The following SHF variants were observed in gnomAD, a reference collection of about 807,000 sequenced individuals.
SHF encodes Src homology 2 domain containing F, also known as SH2 domain-containing adapter protein F.
A neutral mutation model predicts 42.4 loss-of-function variants in SHF; 30 were observed. That is an observed-to-expected ratio of 0.71 (90% confidence interval 0.53 to 0.96). The LOEUF (loss-of-function observed/expected upper bound fraction) is 0.96. Among genes scored for constraint, SHF ranks in the 40% least tolerant of loss-of-function variants. The pLI is 0.00. For synonymous variants in SHF, 264 were observed against 269.9 expected (o/e 0.98, Z 0.21); for missense variants, 598 against 634.0 (o/e 0.94, Z 0.61).
At chr15:45,184,073 G>GCAAA (rs1021247422) in intron 1 of SHF, among the ~76,000 whole-genome samples, 1 of 152,324 alleles carries the variant, frequency 6.6e-6, no homozygotes, top group Non-Finnish European at 1.5e-5. Flanking sequence ...AAACATTAAA[G>GCAAA]CAAACAAACA....
At chr15:45,178,414 G>A (rs550604155) in intron 1 of SHF, 108 bp from the exon 2 acceptor site, 8 of 1,309,050 alleles carry the variant, frequency 6.1e-6, no homozygotes, top group Middle Eastern at 2.5e-4. Context: ...GGCTGCCTTC[G>A]ACCCAGACCC....
At chr15:45,199,216 GC>G in intron 1 of SHF, 1 of 989,866 alleles carries the variant, frequency 1.0e-6, no homozygotes. Context: ...TCCCCTGACA[GC>G]CCTGACTCCT....
rs763252624 is a variant in SHF at position 45,168,046 on chromosome 15, G to A, written c.1368C>T (p.Ser456=). ...VLGQNSPPFS[S]VPEIVHHYAS... ...CATAGTGGTGCACAATTTCAGGGAC[G>A]CTGCTGAAGGGCGGGCTGTTCTGGC... Residue 456 remains serine, a synonymous_variant, in exon 7 of 7, where the codon AGC becomes AGT. Transcript: ENST00000690270. 6.2e-7 allele frequency: 1 copy of A among 1,613,674 alleles called. No homozygotes were observed. Among genetic ancestry groups the A allele is most frequent in the South Asian group, 1.1e-5 (1 of 90,964 alleles).
chr15:45,187,408 C>T (rs1017624360), intron 1 of SHF, 46 bp downstream of exon 1: 15 of 1,231,490 alleles, frequency 1.2e-5, no homozygotes, highest in Non-Finnish European at 1.5e-5. Context: ...CTCCAGACCC[C>T]TGACCGCCTT....
chr15:45,175,826 T>TAC (rs1897775997), intron 2 of SHF, among the ~76,000 whole-genome samples: 1 of 149,402 alleles, frequency 6.7e-6, no homozygotes, highest in Non-Finnish European at 1.5e-5. Context: ...TTTCTTTTTT[T>TAC]TTTTTTTTTT....
At chr15:45,172,346 C>T (rs1897550985) in intron 4 of SHF, 28 bp from the exon 5 acceptor site, 1 of 1,559,406 alleles carries the variant, frequency 6.4e-7, no homozygotes, top group South Asian at 1.2e-5. Flanking sequence ...ATCATGGACT[C>T]TAAGGACCCT....
rs1359097057 is a variant in SHF at position 45,178,252 on chromosome 15, C to T, written c.553G>A (p.Gly185Ser). The T allele has an allele frequency of 6.2e-7, 1 of 1,613,974 alleles. No individual in the cohort carries two copies. The highest frequency in any genetic ancestry group is 1.7e-5 in the Admixed American group (1 of 60,028). Reference sequence around the variant, plus strand: ...GGGGCTCCTGAAGCTCCTGCTGAGCCTTCGCCAGTCTCCTGAACATCAAAC... The same window carrying T: ...GGGGCTCCTGAAGCTCCTGCTGAGCTTTCGCCAGTCTCCTGAACATCAAAC... The part of the protein sequence containing the change: ...DPFDVQETGE[G>S]SAGASGAPEK... Residue 185 changes from glycine to serine, a missense_variant, in exon 2 of 7, where the codon GGC (glycine) becomes AGC (serine). By Grantham distance (56) the Gly-to-Ser change is moderately conservative. This residue lies in a region of SHF where 439 missense variants were observed against 524.6 expected (regional missense o/e 0.84). Transcript: ENST00000690270.
chr15:45,187,600 C>T lies in SHF; in HGVS notation c.352G>A (p.Ala118Thr), dbSNP rs2141423338. The T allele has an allele frequency of 1.5e-5, 18 of 1,229,900 alleles. No homozygotes were observed. The highest frequency in any genetic ancestry group is 1.8e-5 in the Non-Finnish European group (18 of 986,852). The allele number at this position is 1,229,900 out of a possible 1,614,324, so 76.2% of individuals were successfully genotyped here. The change falls in exon 1 of 7, where the codon GCC (alanine) becomes ACC (threonine). Residue 118 changes from alanine to threonine, a missense_variant. This residue lies in a region of SHF where 439 missense variants were observed against 524.6 expected (regional missense o/e 0.84). Transcript: ENST00000690270. ...CCGGGGGCGACAGGGGTGGCGAGGG[C>T]GGCGGAGCCGGACGACCCCCCGGAG... ...PYSGGSSGSA[A>T]LATPVAPGPT...
At position 45,199,025 on chromosome 15, in the gene SHF, G is replaced by C. The variant is rs767850521; in HGVS notation, c.50C>G (p.Thr17Ser). 18 of 1,607,716 alleles carry C rather than the reference G, an allele frequency of 1.1e-5. No individual in the cohort carries two copies. In the South Asian group the frequency reaches 1.9e-4, roughly 17 times the overall value. The change falls in exon 2 of 8, where the codon ACC becomes AGC. Residue 17 changes from threonine (T) to serine (S), a missense_variant. Thr to Ser is a moderately conservative substitution (Grantham distance 58, BLOSUM62 1). Coordinates refer to the SHF transcript ENST00000290894. Reference sequence around the variant, plus strand: ...AGACCCTTGCCGCGAACCCTCCAGGGTTCCGGTCCTACAGGGGGCGCTCCT... The same window carrying C: ...AGACCCTTGCCGCGAACCCTCCAGGCTTCCGGTCCTACAGGGGGCGCTCCT...
At chr15:45,171,000 G>A (rs1897457872) in intron 6 of SHF, 2 of 155,726 alleles carry the variant, frequency 1.3e-5, no homozygotes, top group African/African-American at 4.8e-5. Context: ...CCCCAAATAT[G>A]TCTTGTTTAG....
chr15:45,190,315 A>G (rs149874142), upstream of SHF, among the ~76,000 whole-genome samples: 736 of 152,344 alleles, frequency 4.8e-3, 6 homozygotes, highest in African/African-American at 0.017. Flanking sequence ...TAAATAGAGA[A>G]GAATGGTCCA....
Position 45,172,012 on chromosome 15 carries a change from A to C in SHF, c.1161-10T>G. On this transcript the variant is annotated splice_polypyrimidine_tract_variant and intron_variant, in intron 5 of 6. Coordinates refer to ENST00000690270, the MANE Select transcript of SHF (RefSeq NM_001394037.1). The stretch of plus-strand genomic sequence containing the variant: ...GGCCCCGTGATACCAGCTAAGGATG[A>C]GAGAGAGGAAGGGGGGCATCTCTGC... 1.9e-6 allele frequency: 3 copies of C among 1,613,830 alleles called. No homozygotes were observed. The highest frequency in any genetic ancestry group is 2.5e-6 in the Non-Finnish European group (3 of 1,179,832).
intron 6 of SHF, 74 bp from the exon 7 acceptor site, chr15:45,168,207 C>G: frequency 7.2e-7 from 1 of 1,394,376 alleles, no homozygotes; most frequent in Non-Finnish European, 9.6e-7. Context: ...CAGTAACCCT[C>G]CCCAACCCTA....
chr15:45,186,900 G>T (rs1193669017), intron 1 of SHF, among the ~76,000 whole-genome samples: 1 of 152,264 alleles, frequency 6.6e-6, no homozygotes, highest in Admixed American at 6.5e-5. Context: ...TGCTGTGTCC[G>T]CAAGGAGAAA....
rs769106921 is a variant in SHF at position 45,175,437 on chromosome 15, G to A, written c.641-12C>T. The stretch of plus-strand genomic sequence containing the variant: ...GGAGCCCCGGATCTCTGCCGGAGCA[G>A]GGCAGGAAGGGAAAGGTGAGGGTTC... On this transcript the variant is annotated splice_polypyrimidine_tract_variant and intron_variant, in intron 2 of 6. Transcript: ENST00000690270. The A allele has an allele frequency of 1.5e-5, 24 of 1,564,386 alleles. No homozygotes were observed. Among genetic ancestry groups the A allele is most frequent in the Non-Finnish European group, 2.1e-5 (24 of 1,154,198 alleles).
intron 1 of SHF, among the ~76,000 whole-genome samples, chr15:45,183,113 C>T (rs992596946): frequency 2.0e-4 from 30 of 152,202 alleles, no homozygotes; most frequent in African/African-American, 6.8e-4. Context: ...TCTGCTTCCT[C>T]TTGTTCATTA....
At chr15:45,180,777 C>T (rs1779292903) in intron 1 of SHF, among the ~76,000 whole-genome samples, 1 of 152,168 alleles carries the variant, frequency 6.6e-6, no homozygotes, top group Non-Finnish European at 1.5e-5. Flanking sequence ...TTGTTTTGTT[C>T]CATGTCTTCC....
chr15:45,196,497 G>A (rs1162903495), intron 2 of SHF, among the ~76,000 whole-genome samples: 1 of 152,176 alleles, frequency 6.6e-6, no homozygotes, highest in Non-Finnish European at 1.5e-5. Context: ...GGTTTCAGAT[G>A]AGGCTATATC....
At chr15:45,189,202 AAAAAAAGAAAAAG>A (rs1427826296), upstream of SHF, among the ~76,000 whole-genome samples, 51 of 150,572 alleles carry the variant, frequency 3.4e-4, no homozygotes, top group Non-Finnish European at 1.2e-4. Flanking sequence ...CAAAAAAAAA[AAAAAAAGAAAAAG>A]AAAAAAGAAA....
Sources: allele counts gnomAD v4.1 joint callset (sites outside exome capture counted in the v4.1 genomes callset), GRCh38; gene constraint gnomAD v4.1.1; regional missense constraint gnomAD v4.1.1; transcripts MANE v1.5; gene names NCBI Gene and HGNC (gene_info 2026-07-23, HGNC 2026-07-21).